Variants in SATB1 observed in about 807,000 individuals in gnomAD.
SATB1 encodes the protein DNA-binding protein SATB1.
Under a neutral mutation model 86.9 loss-of-function variants are expected in SATB1, and 11 were observed. The ratio of observed to expected loss-of-function variants is 0.13; its 90% CI spans 0.08 to 0.21. The LOEUF (loss-of-function observed/expected upper bound fraction) is 0.21. Ranked by LOEUF, SATB1 falls within the 10% of genes least tolerant of loss-of-function variation. The probability of loss-of-function intolerance (pLI) is 1.00; values close to 1 mark genes in which losing one functional copy is unlikely to be tolerated. For missense variants in SATB1, 551 were observed against 937.6 expected (o/e 0.59, Z 5.39); for synonymous variants, 357 against 357.2 (o/e 1.00, Z 0.01).
rs1405192383 is a variant in SATB1, at chr3:18,378,310, T to C, written c.1435A>G (p.Ile479Val). The C allele has an allele frequency of 1.7e-5, 27 of 1,610,984 alleles. No individual in the cohort carries two copies. The highest frequency in any genetic ancestry group is 2.2e-5 in the Non-Finnish European group (26 of 1,178,950). Residue 479 changes from isoleucine (I) to valine (V), a missense_variant, in exon 9 of 11, where the codon ATT becomes GTT. By Grantham distance (29) the Ile-to-Val change is conservative (BLOSUM62 3). This residue lies in a region of SATB1 where 110 missense variants were observed against 212.2 expected (regional missense o/e 0.52). Transcript: ENST00000338745. ...SRPPQVKTAT[I>V]ATERNGKPEN... Reference sequence around the variant, plus strand: ...GGTTTCCCATTCCTTTCAGTGGCAATAGTAGCTGTTTTCACCTACAAAACA... The same window carrying C: ...GGTTTCCCATTCCTTTCAGTGGCAACAGTAGCTGTTTTCACCTACAAAACA...
chr3:18,400,983 A>C (rs1397238501), intron 5 of SATB1, among the ~76,000 whole-genome samples: 1 of 152,180 alleles, frequency 6.6e-6, no homozygotes, highest in Non-Finnish European at 1.5e-5. Flanking sequence ...TCAAGAAGGC[A>C]CACCACTCCT....
chr3:18,404,642 C>T (rs1447205059), intron 5 of SATB1, among the ~76,000 whole-genome samples: 1 of 151,992 alleles, frequency 6.6e-6, no homozygotes, highest in Non-Finnish European at 1.5e-5. Context: ...CGATTCATAA[C>T]TTTTAAAAGA....
chr3:18,425,343 G>GGCGACA (rs1698638094), upstream of SATB1: 1 of 156,884 alleles, frequency 6.4e-6, no homozygotes, highest in Admixed American at 6.5e-5. Context: ...AGAAAGTGGC[G>GGCGACA]GCGGCGGCGG....
At chr3:18,428,483 A>G (rs1380625059), upstream of SATB1, among the ~76,000 whole-genome samples, 1 of 152,220 alleles carries the variant, frequency 6.6e-6, no homozygotes, top group Non-Finnish European at 1.5e-5. Context: ...AATAATAGCA[A>G]TAATTAAGAA....
In SATB1 at chr3:18,401,845, G is replaced by A. The variant is rs575078470; in HGVS notation, c.640-4555C>T. ...CTTCGGTTCTTTCTGAGAGTCTGCT[G>A]AAGTTCCGATCTGAAAGAATGCCAT... On this transcript the variant is annotated intron_variant, in intron 5 of 10. Transcript: ENST00000338745. Among the ~76,000 whole-genome samples, 21 of 152,242 alleles carry A rather than the reference G, an allele frequency of 1.4e-4. No homozygotes were observed. The East Asian group carries it at 2.1e-3, about 15-fold the overall frequency.
At position 18,349,416 on chromosome 3, in the gene SATB1, G is replaced by C; in HGVS notation, c.2046C>G (p.Leu682=). ...EEAIQTLSAQ[L]DLPKYTIIKF... ...TGATGATGGTGTACTTGGGAAGGTC[G>C]AGCTGGGCAGACAGAGTCTGGATGG... The change falls in exon 11 of 11, where the codon CTC becomes CTG. Residue 682 remains leucine, a synonymous_variant. Coordinates refer to ENST00000338745, the MANE Select transcript of SATB1 (RefSeq NM_002971.6). This position sits in a 1 kb window ranked among gnomAD's most constrained non-coding sequence, Gnocchi z 5.5. The C allele has an allele frequency of 6.2e-7, 1 of 1,614,182 alleles. No homozygotes were observed. Among genetic ancestry groups the C allele is most frequent in the Non-Finnish European group, 8.5e-7 (1 of 1,180,030 alleles).
Position 18,394,440 on chromosome 3 carries a change from C to G in SATB1, c.1206+22G>C. On this transcript the variant is annotated intron_variant, in intron 7 of 10. Transcript: ENST00000338745. The surrounding 1 kb of genome is among the most constrained non-coding windows in gnomAD (Gnocchi z 5.9). ...AGAGAAAATAGGAGACAGCACAGAA[C>G]CACTTATGAAACACAACTGACCTGA... 1.2e-6 allele frequency: 2 copies of G among 1,604,388 alleles called. No individual in the cohort carries two copies. The highest frequency in any genetic ancestry group is 1.7e-6 in the Non-Finnish European group (2 of 1,171,328).
chr3:18,389,809 T>C (rs1050456792), intron 7 of SATB1, among the ~76,000 whole-genome samples: 12 of 152,154 alleles, frequency 7.9e-5, no homozygotes, highest in Non-Finnish European at 1.6e-4. Flanking sequence ...TGAGAACTTG[T>C]ATGTTATGTA....
intron 8 of SATB1, among the ~76,000 whole-genome samples, chr3:18,385,059 C>T (rs1256463191): frequency 2.6e-5 from 4 of 152,140 alleles, no homozygotes; most frequent in Non-Finnish European, 4.4e-5. Context: ...GTTTATTTAG[C>T]TACTCAACAA....
rs1698049005 is a variant in SATB1, at chr3:18,415,215, A to G, written c.535T>C (p.Leu179=). Residue 179 remains leucine (L), a synonymous_variant, in exon 5 of 11, where the codon TTG becomes CTG. Transcript: ENST00000338745. ...GTGTGCGACCATTGTTCGGGAGGCAAGTCTTCTAGTTTGGGGCAACTATTT... is the reference window on the plus strand; with the variant it reads ...GTGTGCGACCATTGTTCGGGAGGCAGGTCTTCTAGTTTGGGGCAACTATTT... The part of the protein sequence containing the change: ...QLHSCPKLED[L]PPEQWSHTTV... 1 of 1,612,902 alleles carries G rather than the reference A, an allele frequency of 6.2e-7. No homozygotes were observed. Among genetic ancestry groups the G allele is most frequent in the African/African-American group, 1.3e-5 (1 of 74,966 alleles).
In SATB1 at chr3:18,386,410, G is replaced by A; in HGVS notation, c.1408C>T (p.Arg470Cys). 2 of 1,613,500 alleles carry A rather than the reference G, an allele frequency of 1.2e-6. No homozygotes were observed. The highest frequency in any genetic ancestry group is 1.3e-5 in the African/African-American group (1 of 75,016). ...PAPLISTPPS[R>C]PPQVKTATIA... Reference sequence around the variant, plus strand: ...AAAGGAGACCGCACCTGGGGAGGACGGCTGGGTGGTGTGCTGATGAGGGGG... The same window carrying A: ...AAAGGAGACCGCACCTGGGGAGGACAGCTGGGTGGTGTGCTGATGAGGGGG... The change falls in exon 8 of 11, where the codon CGT becomes TGT. Residue 470 changes from arginine (R) to cysteine (C), a missense_variant. Coordinates refer to ENST00000338745, the MANE Select transcript of SATB1 (RefSeq NM_002971.6). The surrounding 1 kb of genome is among the most constrained non-coding windows in gnomAD (Gnocchi z 4.5).
intron 9 of SATB1, among the ~76,000 whole-genome samples, chr3:18,371,672 A>C (rs967929560): frequency 6.6e-6 from 1 of 152,172 alleles, no homozygotes; most frequent in East Asian, 1.9e-4. Context: ...GTATAAATGC[A>C]TTTTCATAGC....
intron 5 of SATB1, among the ~76,000 whole-genome samples, chr3:18,405,509 G>A (rs1697483070): frequency 6.6e-6 from 1 of 151,994 alleles, no homozygotes; most frequent in Admixed American, 6.6e-5. Flanking sequence ...ATTAGAATTA[G>A]GTTCTGTAAC....
chr3:18,371,042 C>G (rs550638425), intron 9 of SATB1, among the ~76,000 whole-genome samples: 1 of 152,174 alleles, frequency 6.6e-6, no homozygotes, highest in Non-Finnish European at 1.5e-5. Flanking sequence ...TATTATATGA[C>G]AGCATGCTGC....
intron 9 of SATB1, among the ~76,000 whole-genome samples, chr3:18,359,875 T>C (rs931175493): frequency 6.6e-6 from 1 of 152,004 alleles, no homozygotes; most frequent in African/African-American, 2.4e-5. Flanking sequence ...TTCGTGTCTC[T>C]TTCTATCATT....
intron 9 of SATB1, among the ~76,000 whole-genome samples, chr3:18,376,011 G>C (rs1334685454): frequency 1.3e-5 from 2 of 152,146 alleles, no homozygotes; most frequent in Non-Finnish European, 2.9e-5. Flanking sequence ...CACAGAAGAT[G>C]CTTGGAATTT....
chr3:18,359,153 GTATT>G (rs1426325928), intron 9 of SATB1, among the ~76,000 whole-genome samples: 1 of 151,830 alleles, frequency 6.6e-6, no homozygotes, highest in Non-Finnish European at 1.5e-5. Flanking sequence ...GTTTTTAATG[GTATT>G]TATGTTTACC....
intron 5 of SATB1, among the ~76,000 whole-genome samples, chr3:18,408,333 C>T (rs1697653798): frequency 6.6e-6 from 1 of 151,964 alleles, no homozygotes; most frequent in South Asian, 2.1e-4. Flanking sequence ...CATATTAGAA[C>T]ACAATACAAT....
At chr3:18,373,622 G>A (rs182358933) in intron 9 of SATB1, among the ~76,000 whole-genome samples, 1 of 152,176 alleles carries the variant, frequency 6.6e-6, no homozygotes, top group Admixed American at 6.5e-5. Context: ...AAACCTAAAG[G>A]TCAGAATGAC....
Sources: gnomAD v4.1 joint callset for allele counts (sites outside exome capture counted in the v4.1 genomes callset) on GRCh38, gnomAD v4.1.1 for gene constraint, gnomAD v4.1.1 regional missense constraint, Gnocchi (gnomAD v3.1) non-coding constraint, MANE v1.5 for transcripts, NCBI Gene and HGNC (gene_info 2026-07-23, HGNC 2026-07-21) for gene names.